The following CSMD1 variants were observed in gnomAD, a reference collection of about 807,000 sequenced individuals.
CSMD1 encodes the protein CUB and Sushi multiple domains 1.
A neutral mutation model predicts 417.5 loss-of-function variants in CSMD1; 213 were observed. That is an observed-to-expected ratio of 0.51 (90% confidence interval 0.46 to 0.57). CSMD1 has a LOEUF of 0.57. Ranked by LOEUF, CSMD1 falls within the 20% of genes least tolerant of loss-of-function variation. The pLI is 0.00. For missense variants in CSMD1, 6,923 were observed against 4,529.7 expected (o/e 1.53, Z -15.17); for synonymous variants, 2,862 against 1,736.8 (o/e 1.65, Z -16.11).
At chr8:3,307,130 T>G (rs1216055030) in intron 25 of CSMD1, among the ~76,000 whole-genome samples, 1 of 152,174 alleles carries the variant, frequency 6.6e-6, no homozygotes, top group Non-Finnish European at 1.5e-5. Context: ...TAGAGTGTAT[T>G]TCTTCATATC....
At chr8:4,261,877 T>C (rs953904366) in intron 3 of CSMD1, among the ~76,000 whole-genome samples, 16 of 152,186 alleles carry the variant, frequency 1.1e-4, no homozygotes, top group African/African-American at 3.9e-4. Flanking sequence ...CTAGACAAAA[T>C]GTGTTAAAAA....
chr8:3,813,521 G>C (rs925390258), intron 5 of CSMD1, among the ~76,000 whole-genome samples: 3 of 152,112 alleles, frequency 2.0e-5, no homozygotes, highest in Non-Finnish European at 4.4e-5. Context: ...TGAATATGAA[G>C]ACTGATCCAT....
chr8:4,233,559 G>A lies in CSMD1; in HGVS notation c.415+186394C>T, dbSNP rs551631322. ...CTCTCTCACACCTTCCACTGTCTGA[G>A]GACACAGGGAGAAGGCCCTGTCTAT... On this transcript the variant is annotated intron_variant, in intron 3 of 69. Transcript: ENST00000635120. 1.2e-4 allele frequency among the ~76,000 whole-genome samples: 19 copies of A among 152,204 alleles called. No homozygotes were observed. In the East Asian group the frequency reaches 3.7e-3, roughly 30 times the overall value.
intron 48 of CSMD1, among the ~76,000 whole-genome samples, chr8:3,089,965 G>T (rs572213187): frequency 1.3e-4 from 20 of 152,312 alleles, no homozygotes; most frequent in Non-Finnish European, 2.6e-4. Context: ...TGTTCATCAT[G>T]ATTTTCTCTG....
intron 3 of CSMD1, among the ~76,000 whole-genome samples, chr8:4,340,024 C>T (rs927949213): frequency 4.6e-5 from 7 of 151,920 alleles, no homozygotes; most frequent in African/African-American, 1.5e-4. Context: ...GCACTTCTAG[C>T]GAAAATTATG....
At chr8:4,729,245 C>G (rs1488098034) in intron 1 of CSMD1, among the ~76,000 whole-genome samples, 2 of 151,834 alleles carry the variant, frequency 1.3e-5, no homozygotes, top group South Asian at 2.1e-4. Flanking sequence ...ATTATGCTGA[C>G]GAGGAAAGAA....
chr8:4,259,918 T>C (rs1337103056), intron 3 of CSMD1, among the ~76,000 whole-genome samples: 1 of 152,204 alleles, frequency 6.6e-6, no homozygotes, highest in Non-Finnish European at 1.5e-5. Flanking sequence ...TGTTGTATAA[T>C]ACTACAAAAT....
intron 3 of CSMD1, among the ~76,000 whole-genome samples, chr8:4,202,241 C>A (rs1240030556): frequency 1.3e-5 from 2 of 152,064 alleles, no homozygotes; most frequent in Non-Finnish European, 2.9e-5. Context: ...TATGCCTTAT[C>A]TTCACAATTC....
chr8:4,322,131 A>C (rs547676045), intron 3 of CSMD1, among the ~76,000 whole-genome samples: 1 of 152,316 alleles, frequency 6.6e-6, no homozygotes, highest in East Asian at 1.9e-4. Flanking sequence ...GGATCATTTT[A>C]TCCTCCGATT....
chr8:3,905,779 G>C lies in CSMD1; in HGVS notation c.818+92124C>G, dbSNP rs142683621. On this transcript the variant is annotated intron_variant, in intron 5 of 69. Transcript: ENST00000635120. The stretch of plus-strand genomic sequence containing the variant: ...TGCTCATCACCCTAAACCTTGCTCA[G>C]AATTCTTCACCACCCTCTACTGTAG... Among the ~76,000 whole-genome samples, 330 of 152,256 alleles carry C rather than the reference G, an allele frequency of 2.2e-3. 1 individual carries two copies. Among genetic ancestry groups the C allele is most frequent in the African/African-American group, 7.6e-3 (317 of 41,542 alleles).
At chr8:4,752,275 C>A (rs1811379312) in intron 1 of CSMD1, among the ~76,000 whole-genome samples, 2 of 152,108 alleles carry the variant, frequency 1.3e-5, no homozygotes, top group South Asian at 2.1e-4. Context: ...AATACAATTT[C>A]ATTTATGAGC....
intron 26 of CSMD1, among the ~76,000 whole-genome samples, chr8:3,266,264 T>G (rs532452612): frequency 1.3e-5 from 2 of 150,666 alleles, no homozygotes; most frequent in South Asian, 2.1e-4. Context: ...GAAAGAGGGT[T>G]GTAAGGCGGA....
At chr8:4,268,205 T>C (rs892737505) in intron 3 of CSMD1, among the ~76,000 whole-genome samples, 22 of 152,160 alleles carry the variant, frequency 1.4e-4, no homozygotes, top group Non-Finnish European at 8.8e-5. Context: ...TAAAGGATTA[T>C]CATCCTGTTT....
chr8:3,573,674 C>A (rs1313135835), intron 10 of CSMD1, among the ~76,000 whole-genome samples: 1 of 152,048 alleles, frequency 6.6e-6, no homozygotes, highest in Admixed American at 6.6e-5. Context: ...AACTGGCAAC[C>A]CAACAGCTTT....
At chr8:4,099,532 C>A (rs941312335) in intron 3 of CSMD1, among the ~76,000 whole-genome samples, 9 of 152,004 alleles carry the variant, frequency 5.9e-5, no homozygotes, top group Admixed American at 2.0e-4. Flanking sequence ...ATTATGAGCA[C>A]CTTTGTGAAC....
intron 3 of CSMD1, among the ~76,000 whole-genome samples, chr8:4,402,800 CTT>C (rs60965667): frequency 0.023 from 2,068 of 89,026 alleles, 15 homozygotes; most frequent in African/African-American, 0.069. Flanking sequence ...TCACTTTTTT[CTT>C]TTTTTTTTTT....
rs1315309565 is a variant in CSMD1, at chr8:3,796,354, TATAG to T, written c.819-42316_819-42313del. On this transcript the variant is annotated intron_variant, in intron 5 of 69. Transcript: ENST00000635120. Reference sequence around the variant, plus strand: ...TAGATATAGATATATATCTATCATGTATAGATATAGATATCTATCATGTATATAT... The same window carrying T: ...TAGATATAGATATATATCTATCATGTATATAGATATCTATCATGTATATAT... Among the ~76,000 whole-genome samples the T allele has an allele frequency of 4.5e-5, 5 of 112,082 alleles. 1 individual carries two copies. The highest frequency in any genetic ancestry group is 1.3e-4 in the African/African-American group (4 of 30,552). 73.5% of individuals were successfully genotyped at this position (112,082 alleles called of 152,430 possible).
At chr8:3,514,635 C>G (rs1170375029) in intron 10 of CSMD1, among the ~76,000 whole-genome samples, 3 of 152,124 alleles carry the variant, frequency 2.0e-5, no homozygotes, top group African/African-American at 4.8e-5. Flanking sequence ...CAGTGCTAGT[C>G]ATATATAACC....
intron 49 of CSMD1, among the ~76,000 whole-genome samples, chr8:3,075,793 G>A (rs752549412): frequency 5.9e-5 from 9 of 151,400 alleles, no homozygotes; most frequent in Non-Finnish European, 1.3e-4. Context: ...TGTAATCTCA[G>A]CACTTTGGGA....
Sources: gnomAD v4.1 joint callset for allele counts (sites outside exome capture counted in the v4.1 genomes callset) on GRCh38, gnomAD v4.1.1 for gene constraint, MANE v1.5 for transcripts, NCBI Gene and HGNC (gene_info 2026-07-23, HGNC 2026-07-21) for gene names.